The following MYOM3 variants were observed in gnomAD, a reference collection of about 807,000 sequenced individuals.
The protein encoded by MYOM3 is myomesin 3.
A neutral mutation model predicts 191.7 loss-of-function variants in MYOM3; 155 were observed. The observed-to-expected ratio is 0.81, with a 90% CI of 0.71 to 0.92. MYOM3 has a LOEUF of 0.92. Among genes scored for constraint, MYOM3 ranks in the 40% least tolerant of loss-of-function variants. The probability of loss-of-function intolerance (pLI) is 0.00; values close to 1 mark genes in which losing one functional copy is unlikely to be tolerated. For missense variants in MYOM3, 1,889 were observed against 1,890.6 expected, an observed-to-expected ratio of 1.00 and a Z score of 0.02; for synonymous variants, 757 against 762.9, an observed-to-expected ratio of 0.99 and a Z score of 0.13.
At chr1:24,093,554 C>T (rs1001568241) in intron 9 of MYOM3, among the ~76,000 whole-genome samples, 6 of 148,968 alleles carry the variant, frequency 4.0e-5, no homozygotes, top group Non-Finnish European at 7.5e-5. Context: ...GAGGACGTGT[C>T]GTGGGGTCAG....
intron 27 of MYOM3, 46 bp downstream of exon 27, chr1:24,067,924 C>G (rs758985216): frequency 6.3e-7 from 1 of 1,590,186 alleles, no homozygotes; most frequent in Non-Finnish European, 8.6e-7. Context: ...ATCTCTAGCA[C>G]GAACCAGTGG....
At chr1:24,083,575 T>A (rs1158019186) in intron 16 of MYOM3, 1 of 152,274 alleles carries the variant, frequency 6.6e-6, no homozygotes, top group Non-Finnish European at 1.5e-5. Flanking sequence ...ACATCTATCC[T>A]ATTAGTCTGT....
chr1:24,069,943 C>G (rs934929494), intron 25 of MYOM3, among the ~76,000 whole-genome samples: 3 of 151,390 alleles, frequency 2.0e-5, no homozygotes, highest in African/African-American at 7.4e-5. Flanking sequence ...GCTTTGCCAT[C>G]TGGAGATGAA....
intron 14 of MYOM3, among the ~76,000 whole-genome samples, chr1:24,089,091 C>T: frequency 6.6e-6 from 1 of 152,208 alleles, no homozygotes; most frequent in South Asian, 2.1e-4. Context: ...GTGAGAGCCA[C>T]CTCCTAGTGC....
chr1:24,090,783 A>G lies in MYOM3; in HGVS notation c.1432+14T>C. On this transcript the variant is annotated intron_variant, in intron 12 of 36. Transcript: ENST00000374434. ...CTGATGTTCTAGAAAGTCGCTTAGG[A>G]CCTCTGTACCCACCTGTCTTCCTCC... 6.2e-7 allele frequency: 1 copy of G among 1,613,116 alleles called. No individual in the cohort carries two copies. The highest frequency in any genetic ancestry group is 8.5e-7 in the Non-Finnish European group (1 of 1,179,484).
intron 8 of MYOM3, 65 bp downstream of exon 8, chr1:24,095,377 G>A: frequency 1.4e-6 from 2 of 1,477,524 alleles, no homozygotes; most frequent in Non-Finnish European, 1.9e-6. Context: ...AACAGGGACT[G>A]TGGGGGTCGG....
At chr1:24,066,551 T>A in intron 28 of MYOM3, 1 of 415,198 alleles carries the variant, frequency 2.4e-6, no homozygotes, top group Non-Finnish European at 4.3e-6. Context: ...ATAGACTTGT[T>A]CAAACCTGGG....
chr1:24,086,531 A>G, intron 15 of MYOM3, 113 bp downstream of exon 15: 1 of 1,080,526 alleles, frequency 9.3e-7, no homozygotes. Flanking sequence ...CAGCTTCATG[A>G]TGGGTAGAAG....
Position 24,063,070 on chromosome 1 carries a change from G to A in MYOM3, c.3770+56C>T. On this transcript the variant is annotated intron_variant, in intron 32 of 36. Transcript: ENST00000374434. This position sits in a 1 kb window ranked among gnomAD's most constrained non-coding sequence, Gnocchi z 4.5. Reference sequence around the variant, plus strand: ...GGAGAAGGGAGGGAGGCCCCCATGGGTCAGGTGCTGAATCCTTTCCAGCCT... The same window carrying A: ...GGAGAAGGGAGGGAGGCCCCCATGGATCAGGTGCTGAATCCTTTCCAGCCT... The A allele has an allele frequency of 1.6e-6, 2 of 1,214,780 alleles. No homozygotes were observed. The highest frequency in any genetic ancestry group is 1.7e-5 in the Admixed American group (1 of 58,622). 75.3% of individuals were successfully genotyped at this position (1,214,780 alleles called of 1,614,324 possible).
At chr1:24,089,750 C>T in intron 13 of MYOM3, 85 bp from the exon 14 acceptor site, 1 of 1,431,820 alleles carries the variant, frequency 7.0e-7, no homozygotes, top group Non-Finnish European at 9.4e-7. Flanking sequence ...GAAGAGGGAA[C>T]TACACCCCTA....
intron 1 of MYOM3, 96 bp from the exon 2 acceptor site, chr1:24,108,750 G>C (rs1383355381): frequency 1.5e-5 from 13 of 892,698 alleles, no homozygotes; most frequent in Middle Eastern, 2.2e-4. Flanking sequence ...GCAGGATGGG[G>C]GGTGGGGGTG....
intron 5 of MYOM3, among the ~76,000 whole-genome samples, chr1:24,103,192 T>C (rs1041014485): frequency 1.3e-5 from 2 of 152,260 alleles, no homozygotes; most frequent in African/African-American, 4.8e-5. Flanking sequence ...GCGCAGAGCT[T>C]GGCTGCGGGG....
chr1:24,070,594 A>C (rs1173621856), intron 25 of MYOM3, among the ~76,000 whole-genome samples: 1 of 152,142 alleles, frequency 6.6e-6, no homozygotes, highest in African/African-American at 2.4e-5. Context: ...TCTCAAAAAC[A>C]AACAAAAACA....
Position 24,076,902 on chromosome 1 carries a change from AC to A in MYOM3, c.2587-630del, listed in dbSNP as rs980594421. ...AGTGGCGCAATCTCTGCCCACTGCAACCTCTGCTTCTCCGGTTCAAGTGATT... is the reference window on the plus strand; with the variant it reads ...AGTGGCGCAATCTCTGCCCACTGCAACTCTGCTTCTCCGGTTCAAGTGATT... On this transcript the variant is annotated intron_variant, in intron 20 of 36. Coordinates refer to ENST00000374434, the MANE Select transcript of MYOM3 (RefSeq NM_152372.4). Among the ~76,000 whole-genome samples the A allele has an allele frequency of 7.3e-5, 11 of 151,486 alleles. No homozygotes were observed. The East Asian group carries it at 7.7e-4, about 11-fold the overall frequency.
chr1:24,109,414 G>A (rs1325356490), intron 1 of MYOM3, among the ~76,000 whole-genome samples: 1 of 152,184 alleles, frequency 6.6e-6, no homozygotes, highest in Non-Finnish European at 1.5e-5. Context: ...TTAGGCATTA[G>A]CATTATTTTT....
chr1:24,072,180 G>A lies in MYOM3; in HGVS notation c.2969-167C>T, dbSNP rs554533962. On this transcript the variant is annotated intron_variant, in intron 23 of 36. Coordinates refer to ENST00000374434, the MANE Select transcript of MYOM3 (RefSeq NM_152372.4). ...CTCCATAGGGGCCATGATGAGTACT[G>A]TGAGCCTTTGCCCTGGGGCACTGAG... 1.2e-3 allele frequency among the ~76,000 whole-genome samples: 176 copies of A among 152,342 alleles called. 1 individual carries two copies. The highest frequency in any genetic ancestry group is 4.1e-3 in the African/African-American group (170 of 41,576).
Position 24,094,842 on chromosome 1 carries a change from G to T in MYOM3, c.928+11C>A, listed in dbSNP as rs372809443. 8 of 1,607,406 alleles carry T rather than the reference G, an allele frequency of 5.0e-6. No individual in the cohort carries two copies. Among genetic ancestry groups the T allele is most frequent in the Non-Finnish European group, 6.8e-6 (8 of 1,176,450 alleles). On this transcript the variant is annotated intron_variant, in intron 9 of 36. Coordinates refer to ENST00000374434, the MANE Select transcript of MYOM3 (RefSeq NM_152372.4). ...CTCTGGAGGCTGGGGGCCAGGACTG[G>T]GGGTCCTTACCATCTCGGAACCACT...
chr1:24,094,116 C>T (rs1016940180), intron 9 of MYOM3, among the ~76,000 whole-genome samples: 6 of 152,124 alleles, frequency 3.9e-5, no homozygotes, highest in Non-Finnish European at 2.9e-5. Flanking sequence ...TGGTGCCCTC[C>T]TGCCTCCCGA....
At chr1:24,092,858 G>A in intron 10 of MYOM3, 89 bp downstream of exon 10, 1 of 1,289,290 alleles carries the variant, frequency 7.8e-7, no homozygotes, top group Non-Finnish European at 1.0e-6. Flanking sequence ...AAGAGAGCAG[G>A]GTCCTTGCCT....
Sources: gnomAD v4.1 joint callset for allele counts (sites outside exome capture counted in the v4.1 genomes callset) on GRCh38, gnomAD v4.1.1 for gene constraint, Gnocchi (gnomAD v3.1) non-coding constraint, MANE v1.5 for transcripts, NCBI Gene and HGNC (gene_info 2026-07-23, HGNC 2026-07-21) for gene names.